Variants in TPO observed in about 807,000 individuals in gnomAD.
TPO encodes thyroid microsomal antigen.
In TPO, 78 loss-of-function variants were observed where a neutral mutation model predicts 96.9. The ratio of observed to expected loss-of-function variants is 0.81; its 90% CI spans 0.67 to 0.97. TPO has a LOEUF of 0.97. Among genes scored for constraint, TPO ranks in the 50% least tolerant of loss-of-function variants. TPO has a pLI of 0.00. For missense variants in TPO, 1,252 were observed against 1,274.8 expected, an observed-to-expected ratio of 0.98 and a Z score of 0.27; for synonymous variants, 547 against 538.0, an observed-to-expected ratio of 1.02 and a Z score of -0.23.
At chr2:1,468,186 T>C (rs371509923) in intron 7 of TPO, among the ~76,000 whole-genome samples, 1 of 152,110 alleles carries the variant, frequency 6.6e-6, no homozygotes, top group Admixed American at 6.5e-5. Context: ...TTACATTCAA[T>C]GTTAGTACTG....
At chr2:1,419,161 G>A (rs1663249920) in intron 2 of TPO, among the ~76,000 whole-genome samples, 1 of 152,172 alleles carries the variant, frequency 6.6e-6, no homozygotes, top group African/African-American at 2.4e-5. Flanking sequence ...GCGCCCCTCA[G>A]AGCAGGAGCA....
chr2:1,477,203 C>G lies in TPO; in HGVS notation c.937C>G (p.Pro313Ala). ...CTTTGGGAACCTGTCCACGGCCAAC[C>G]CGCGGCAGCAGATGAACGGGTTGAC... is the stretch of plus-strand genomic sequence containing the variant. Reference protein sequence around the residue: ...ALFGNLSTANPRQQMNGLTSF... With the variant: ...ALFGNLSTANARQQMNGLTSF... The change falls in exon 8 of 17, where the codon CCG becomes GCG. Residue 313 changes from proline (P) to alanine (A), a missense_variant. Physicochemically the swap from Pro to Ala is conservative, Grantham distance 27. Coordinates refer to ENST00000329066, the MANE Select transcript of TPO (RefSeq NM_001206744.2). 1 of 1,610,048 alleles carries G rather than the reference C, an allele frequency of 6.2e-7. No homozygotes were observed. Among genetic ancestry groups the G allele is most frequent in the Non-Finnish European group, 8.5e-7 (1 of 1,179,004 alleles).
At chr2:1,510,484 A>G (rs910699840) in intron 14 of TPO, among the ~76,000 whole-genome samples, 22 of 152,032 alleles carry the variant, frequency 1.4e-4, no homozygotes, top group African/African-American at 4.4e-4. Context: ...ATCCCTCCCA[A>G]TGTTTTCTTC....
chr2:1,426,848 G>GA lies in TPO; in HGVS notation c.179+3727dup, dbSNP rs201739180. ...ATCTAGTTACTTTAGAGCCGAAAAG[G>GA]AAAAAAAATAACTTTTCTAAATAAT... On this transcript the variant is annotated intron_variant, in intron 3 of 16. Transcript: ENST00000329066. 3.5e-3 allele frequency among the ~76,000 whole-genome samples: 537 copies of GA among 151,910 alleles called. 8 individuals are homozygous for GA. Among genetic ancestry groups the GA allele is most frequent in the East Asian group, 8.5e-3 (44 of 5,172 alleles).
At chr2:1,427,854 G>A (rs1664583452) in intron 3 of TPO, among the ~76,000 whole-genome samples, 1 of 152,080 alleles carries the variant, frequency 6.6e-6, no homozygotes, top group Admixed American at 6.6e-5. Flanking sequence ...TATTCAGCCT[G>A]GAATATCTGC....
At chr2:1,432,617 G>A (rs1344460465) in intron 3 of TPO, among the ~76,000 whole-genome samples, 4 of 121,416 alleles carry the variant, frequency 3.3e-5, no homozygotes, top group Admixed American at 8.1e-5. Context: ...GCAGGTGAGG[G>A]GAGGCCTGCA....
At chr2:1,404,902 G>A (rs1227074127) in intron 1 of TPO, among the ~76,000 whole-genome samples, 1 of 152,064 alleles carries the variant, frequency 6.6e-6, no homozygotes, top group African/African-American at 2.4e-5. Flanking sequence ...TATAGCGCTG[G>A]TTATTATCTG....
At chr2:1,400,810 T>G (rs1036812710) in intron 1 of TPO, among the ~76,000 whole-genome samples, 3 of 152,200 alleles carry the variant, frequency 2.0e-5, no homozygotes, top group African/African-American at 7.2e-5. Context: ...TCTTGTCAAG[T>G]CAGACATTAA....
At chr2:1,527,943 A>C (rs1677009807) in intron 15 of TPO, among the ~76,000 whole-genome samples, 1 of 80,778 alleles carries the variant, frequency 1.2e-5, no homozygotes, top group Admixed American at 1.8e-4. Context: ...AAATCCCCCC[A>C]CTGCGTGCAA....
chr2:1,494,748 C>A (rs951246747), intron 11 of TPO, among the ~76,000 whole-genome samples: 1 of 152,204 alleles, frequency 6.6e-6, no homozygotes, highest in Non-Finnish European at 1.5e-5. Context: ...TAAATACATC[C>A]CTACCTATCC....
intron 1 of TPO, among the ~76,000 whole-genome samples, chr2:1,382,409 G>A (rs939387727): frequency 6.6e-6 from 1 of 152,126 alleles, no homozygotes; most frequent in Admixed American, 6.5e-5. Flanking sequence ...AGAAGGGGGC[G>A]CACACCCCTC....
chr2:1,530,743 C>A (rs1343466603), intron 15 of TPO, among the ~76,000 whole-genome samples: 1 of 104,136 alleles, frequency 9.6e-6, no homozygotes, highest in African/African-American at 3.9e-5. Context: ...CCTCAAATCC[C>A]CCCCACTGTG....
intron 1 of TPO, among the ~76,000 whole-genome samples, chr2:1,394,667 T>C (rs1662051981): frequency 6.6e-6 from 1 of 152,204 alleles, no homozygotes; most frequent in Non-Finnish European, 1.5e-5. Context: ...AGGGCCACTG[T>C]CCTGGACGCA....
rs757824738 is a variant in TPO, at chr2:1,542,418, C to T, written c.2749-3C>T. 5 of 1,614,150 alleles carry T rather than the reference C, an allele frequency of 3.1e-6. No individual in the cohort carries two copies. The Admixed American group carries it at 6.7e-5, about 22-fold the overall frequency. ...TATTAATGTTTGTTCTGCATTTTTG[C>T]AGGAGAGTGCTGGGATGGAAGGCCG... On this transcript the variant is annotated splice_region_variant and splice_polypyrimidine_tract_variant and intron_variant, in intron 16 of 16. Transcript: ENST00000329066.
intron 2 of TPO, among the ~76,000 whole-genome samples, chr2:1,421,511 A>T (rs914225599): frequency 6.6e-6 from 1 of 152,132 alleles, no homozygotes; most frequent in African/African-American, 2.4e-5. Flanking sequence ...TGCCGGCAAC[A>T]TCCCAAAAGC....
intron 15 of TPO, among the ~76,000 whole-genome samples, chr2:1,530,081 C>T (rs1167066205): frequency 2.1e-5 from 3 of 145,732 alleles, no homozygotes; most frequent in African/African-American, 7.8e-5. Flanking sequence ...TGTGCAACCT[C>T]CTCAAATCCC....
In TPO at chr2:1,542,632, A is replaced by G; in HGVS notation, c.*158A>G. 1 of 1,547,330 alleles carries G rather than the reference A, an allele frequency of 6.5e-7. No homozygotes were observed. The highest frequency in any genetic ancestry group is 8.7e-7 in the Non-Finnish European group (1 of 1,143,684). On this transcript the variant is annotated 3_prime_UTR_variant, in exon 17 of 17. Coordinates refer to ENST00000329066, the MANE Select transcript of TPO (RefSeq NM_001206744.2). Reference sequence around the variant, plus strand: ...CGTAGTTACTCTCAGGCATGGATGAATAAATGTTATAGCTGCATTTGTCTG... The same window carrying G: ...CGTAGTTACTCTCAGGCATGGATGAGTAAATGTTATAGCTGCATTTGTCTG...
Position 1,496,216 on chromosome 2 carries a change from T to G in TPO, c.2215+19T>G, listed in dbSNP as rs557554857. On this transcript the variant is annotated intron_variant, in intron 12 of 16. Transcript: ENST00000329066. ...CCTCAAGGTGAAGTTCGGTCTCCTC[T>G]CACACCACGTTACAGCACGTGCATC... 37 of 1,611,644 alleles carry G rather than the reference T, an allele frequency of 2.3e-5. No individual in the cohort carries two copies. The South Asian group carries it at 3.8e-4, about 16-fold the overall frequency.
At chr2:1,502,878 G>A (rs1673013909) in intron 13 of TPO, among the ~76,000 whole-genome samples, 1 of 152,192 alleles carries the variant, frequency 6.6e-6, no homozygotes, top group Non-Finnish European at 1.5e-5. Context: ...CATGGGCCAA[G>A]CCTCCCCCGG....
Sources: allele counts gnomAD v4.1 joint callset (sites outside exome capture counted in the v4.1 genomes callset), GRCh38; gene constraint gnomAD v4.1.1; transcripts MANE v1.5; gene names NCBI Gene and HGNC (gene_info 2026-07-23, HGNC 2026-07-21).